Variants in SRGAP1 observed in about 807,000 individuals in gnomAD.
SRGAP1 encodes SLIT-ROBO Rho GTPase activating protein 1.
A neutral mutation model predicts 121.9 loss-of-function variants in SRGAP1; 43 were observed. The observed-to-expected ratio is 0.35, with a 90% CI of 0.28 to 0.46. The LOEUF (loss-of-function observed/expected upper bound fraction) is 0.46. Among genes scored for constraint, SRGAP1 ranks in the 20% least tolerant of loss-of-function variants. The pLI is 1.00. For missense variants in SRGAP1, 1,102 were observed against 1,350.9 expected (o/e 0.82, Z 2.89); for synonymous variants, 447 against 485.4 (o/e 0.92, Z 1.04).
At position 63,951,213 on chromosome 12, in the gene SRGAP1, G is replaced by C. The variant is rs567960960; in HGVS notation, c.68-32734G>C. On this transcript the variant is annotated intron_variant, in intron 1 of 21. Transcript: ENST00000355086. The stretch of plus-strand genomic sequence containing the variant: ...GAGTCTTGCTCTGTCACCCAGGCTG[G>C]AGTCCAGTGGTGTGATCTTGGCTCA... 1.6e-5 allele frequency among the ~76,000 whole-genome samples: 2 copies of C among 127,702 alleles called. 1 individual carries two copies. The highest frequency in any genetic ancestry group is 6.1e-5 in the African/African-American group (2 of 32,546). 83.8% of individuals were successfully genotyped at this position (127,702 alleles called of 152,430 possible).
At chr12:64,072,170 CT>C (rs2035654353) in intron 8 of SRGAP1, among the ~76,000 whole-genome samples, 1 of 111,378 alleles carries the variant, frequency 9.0e-6, no homozygotes, top group African/African-American at 3.2e-5. Flanking sequence ...GGGGCTCTTT[CT>C]GCTAATTTTT....
At chr12:64,123,532 GAC>G (rs1388606737) in intron 18 of SRGAP1, among the ~76,000 whole-genome samples, 1 of 152,088 alleles carries the variant, frequency 6.6e-6, no homozygotes, top group Non-Finnish European at 1.5e-5. Flanking sequence ...CTATGAAGCA[GAC>G]ACATAGATGT....
chr12:63,938,550 G>A (rs1374102254), intron 1 of SRGAP1, among the ~76,000 whole-genome samples: 2 of 152,100 alleles, frequency 1.3e-5, no homozygotes, highest in African/African-American at 2.4e-5. Flanking sequence ...TGCCTTCCCT[G>A]TTCCTCTCTT....
chr12:63,999,339 C>T (rs139367059), intron 3 of SRGAP1, among the ~76,000 whole-genome samples: 2 of 152,276 alleles, frequency 1.3e-5, no homozygotes, highest in East Asian at 1.9e-4. Flanking sequence ...GGTTTAAACA[C>T]GATAGTGACG....
chr12:63,986,427 A>T (rs888170389), intron 2 of SRGAP1, among the ~76,000 whole-genome samples: 5 of 144,884 alleles, frequency 3.5e-5, no homozygotes, highest in Non-Finnish European at 7.6e-5. Context: ...CTATTCAGTA[A>T]TTTTTTTTTT....
At chr12:63,871,107 C>G (rs964225307) in intron 1 of SRGAP1, among the ~76,000 whole-genome samples, 2 of 152,142 alleles carry the variant, frequency 1.3e-5, no homozygotes, top group African/African-American at 4.8e-5. Flanking sequence ...ACTTTGGGAA[C>G]TACTGCCGTA....
At chr12:63,900,606 A>G (rs901581946) in intron 1 of SRGAP1, among the ~76,000 whole-genome samples, 2 of 151,932 alleles carry the variant, frequency 1.3e-5, no homozygotes, top group Non-Finnish European at 2.9e-5. Flanking sequence ...TGAGGCCAGG[A>G]GTTCGAGACC....
rs138338037 is a variant in SRGAP1, at chr12:64,043,493, G to A, written c.719G>A (p.Arg240Gln). Residue 240 changes from arginine (R) to glutamine (Q), a missense_variant, in exon 6 of 22, where the codon CGG (arginine) becomes CAG (glutamine). Arg to Gln is a conservative substitution (Grantham distance 43). Around this residue, in one of 3 missense-constraint regions of SRGAP1, gnomAD observed 747 missense variants for 929.4 expected, o/e 0.80. Coordinates refer to ENST00000355086, the MANE Select transcript of SRGAP1 (RefSeq NM_020762.4). The part of the protein sequence containing the change: ...SENKLKSIKA[R>Q]NEYLLTLEAT... ...AATAAGCTAAAATCAATTAAGGCAC[G>A]GAACGAATATCTCCTAACACTTGAA... 295 of 1,612,072 alleles carry A rather than the reference G, an allele frequency of 1.8e-4. No homozygotes were observed. Among genetic ancestry groups the A allele is most frequent in the Non-Finnish European group, 2.3e-4 (277 of 1,178,984 alleles).
chr12:64,121,955 A>AT (rs1246941507), intron 18 of SRGAP1, among the ~76,000 whole-genome samples: 2 of 152,264 alleles, frequency 1.3e-5, no homozygotes, highest in East Asian at 3.9e-4. Flanking sequence ...GAGGTATTGT[A>AT]TTTTTTCTCT....
intron 6 of SRGAP1, among the ~76,000 whole-genome samples, chr12:64,047,299 C>T (rs996803920): frequency 1.7e-4 from 26 of 152,058 alleles, no homozygotes; most frequent in African/African-American, 6.3e-4. Flanking sequence ...AAAATGGTTG[C>T]TTATTTTGTA....
chr12:63,960,561 A>C (rs1187847733), intron 1 of SRGAP1, among the ~76,000 whole-genome samples: 1 of 152,132 alleles, frequency 6.6e-6, no homozygotes, highest in African/African-American at 2.4e-5. Context: ...ATAGCACTCA[A>C]TAACCTGTGG....
At chr12:63,857,456 A>T (rs1899292924) in intron 1 of SRGAP1, among the ~76,000 whole-genome samples, 1 of 151,542 alleles carries the variant, frequency 6.6e-6, no homozygotes, top group Admixed American at 6.6e-5. Flanking sequence ...GTCTCGGCTC[A>T]CTGCAACCTC....
intron 1 of SRGAP1, among the ~76,000 whole-genome samples, chr12:63,920,261 C>G (rs557592410): frequency 2.0e-4 from 31 of 152,330 alleles, no homozygotes; most frequent in Admixed American, 3.3e-4. Flanking sequence ...GATATAGCCT[C>G]TGAAGAGGTG....
intron 1 of SRGAP1, among the ~76,000 whole-genome samples, chr12:63,940,242 G>A (rs1182714896): frequency 1.3e-5 from 2 of 152,066 alleles, no homozygotes; most frequent in South Asian, 2.1e-4. Context: ...TATTACAGGC[G>A]TGACCCATGG....
chr12:64,091,464 A>G (rs2136584071), intron 12 of SRGAP1, 86 bp downstream of exon 12: 1 of 926,688 alleles, frequency 1.1e-6, no homozygotes, highest in Non-Finnish European at 1.7e-6. Flanking sequence ...GAAGGTCATT[A>G]TGTCCAAGTC....
intron 1 of SRGAP1, among the ~76,000 whole-genome samples, chr12:63,915,703 T>C (rs1285811514): frequency 6.6e-6 from 1 of 152,194 alleles, no homozygotes; most frequent in Non-Finnish European, 1.5e-5. Flanking sequence ...AACTTCTAGA[T>C]ATGTCTTTCT....
rs552191059 is a variant in SRGAP1 at position 64,011,923 on chromosome 12, A to G, written c.427-5027A>G. ...TTGAGCCCAGCCTGGGCAACATGGC[A>G]AAACCCTCTCTACATAAAATACAAA... is the stretch of plus-strand genomic sequence containing the variant. On this transcript the variant is annotated intron_variant, in intron 3 of 21. Transcript: ENST00000355086. Among the ~76,000 whole-genome samples, 179 of 152,186 alleles carry G rather than the reference A, an allele frequency of 1.2e-3. 1 individual carries two copies. The highest frequency in any genetic ancestry group is 4.1e-3 in the African/African-American group (171 of 41,486).
chr12:64,064,531 C>T (rs896204072), intron 7 of SRGAP1, among the ~76,000 whole-genome samples: 1 of 152,190 alleles, frequency 6.6e-6, no homozygotes, highest in Non-Finnish European at 1.5e-5. Context: ...TGAGTTTTTA[C>T]TGTGTGCCAA....
In SRGAP1 at chr12:64,127,993, T is replaced by A. The variant is rs1399391180; in HGVS notation, c.2673T>A (p.Ser891Arg). The change falls in exon 21 of 22, where the codon AGT becomes AGA. Residue 891 changes from serine to arginine, a missense_variant. By Grantham distance (110) the Ser-to-Arg change is moderately radical. Transcript: ENST00000355086. ...SVDLGSPSLA[S>R]HPRGLLQNRG... ...ACCTAGGGTCCCCAAGCCTTGCCAG[T>A]CACCCCCGGGGCCTGCTGCAGAACC... 1 of 1,614,194 alleles carries A rather than the reference T, an allele frequency of 6.2e-7. No homozygotes were observed. The highest frequency in any genetic ancestry group is 1.7e-5 in the Admixed American group (1 of 60,022).
Sources: allele counts gnomAD v4.1 joint callset (sites outside exome capture counted in the v4.1 genomes callset), GRCh38; gene constraint gnomAD v4.1.1; regional missense constraint gnomAD v4.1.1; transcripts MANE v1.5; gene names NCBI Gene and HGNC (gene_info 2026-07-23, HGNC 2026-07-21).